The following MLPH variants were observed in gnomAD, a reference collection of about 807,000 sequenced individuals.
The protein encoded by MLPH is melanophilin, also known as exophilin-3.
In MLPH, 51 loss-of-function variants were observed where a neutral mutation model predicts 72.1. The observed-to-expected ratio is 0.71, with a 90% CI of 0.56 to 0.89. The LOEUF (loss-of-function observed/expected upper bound fraction) is 0.89, where lower values mean the gene tolerates loss of function less well. MLPH is among the 40% of genes least tolerant of loss of function. The probability of loss-of-function intolerance (pLI) is 0.00; values close to 1 mark genes in which losing one functional copy is unlikely to be tolerated. For synonymous variants in MLPH, 301 were observed against 310.1 expected, an observed-to-expected ratio of 0.97 and a Z score of 0.31; for missense variants, 743 against 759.9, an observed-to-expected ratio of 0.98 and a Z score of 0.26.
At chr2:237,549,086 C>A in intron 13 of MLPH, 135 bp from the exon 14 acceptor site, 1 of 758,026 alleles carries the variant, frequency 1.3e-6, no homozygotes, top group Non-Finnish European at 2.3e-6. Flanking sequence ...GCTAAAAGTT[C>A]AAATATTGCT....
At chr2:237,543,335 T>G (rs373045607) in intron 12 of MLPH, among the ~76,000 whole-genome samples, 1 of 1,320 alleles carries the variant, frequency 7.6e-4, no homozygotes, top group Non-Finnish European at 1.1e-3. Flanking sequence ...AGTGGTGAGT[T>G]GGGGGACAGT....
At chr2:237,508,001 C>T (rs906877168) in intron 2 of MLPH, among the ~76,000 whole-genome samples, 8 of 152,216 alleles carry the variant, frequency 5.3e-5, no homozygotes, top group African/African-American at 1.9e-4. Context: ...CCTCCAAGCT[C>T]ATCAGGCAGA....
Position 237,522,876 on chromosome 2 carries a change from G to T in MLPH, c.676-2725G>T, listed in dbSNP as rs192043122. On this transcript the variant is annotated intron_variant, in intron 6 of 15. Coordinates refer to ENST00000264605, the MANE Select transcript of MLPH (RefSeq NM_024101.7). The stretch of plus-strand genomic sequence containing the variant: ...AAAATAAAGCCAATATCACCGATGC[G>T]GTTGTACTGGACTGCTTGAGGGCTG... Among the ~76,000 whole-genome samples, 363 of 152,322 alleles carry T rather than the reference G, an allele frequency of 2.4e-3. 1 individual carries two copies. Among genetic ancestry groups the T allele is most frequent in the Non-Finnish European group, 4.0e-3 (271 of 68,028 alleles).
intron 8 of MLPH, among the ~76,000 whole-genome samples, chr2:237,527,883 G>A (rs748382225): frequency 7.2e-5 from 11 of 152,152 alleles, no homozygotes; most frequent in African/African-American, 1.4e-4. Context: ...TAACCCAAGC[G>A]TCCATTGACA....
intron 2 of MLPH, among the ~76,000 whole-genome samples, chr2:237,496,707 A>C (rs1339688283): frequency 6.6e-6 from 1 of 150,460 alleles, no homozygotes; most frequent in East Asian, 1.9e-4. Context: ...CCAGTCTGCT[A>C]TGTGATTAGG....
chr2:237,497,857 G>A (rs1376950730), intron 2 of MLPH, among the ~76,000 whole-genome samples: 13 of 152,278 alleles, frequency 8.5e-5, no homozygotes, highest in South Asian at 4.1e-4. Context: ...GTCTGCTCCC[G>A]GTCACCGAGT....
At chr2:237,551,155 C>A (rs560040958) in intron 14 of MLPH, among the ~76,000 whole-genome samples, 63 of 152,378 alleles carry the variant, frequency 4.1e-4, no homozygotes, top group African/African-American at 1.5e-3. Flanking sequence ...GGCCTCCAAT[C>A]CCGGGGTCTG....
chr2:237,516,834 T>TGGTA (rs1249553768), intron 4 of MLPH, among the ~76,000 whole-genome samples: 2,707 of 124,530 alleles, frequency 0.022, 15 homozygotes, highest in East Asian at 0.058. Flanking sequence ...GATGGTAGGA[T>TGGTA]GGATGGATGG....
chr2:237,489,963 C>T (rs1319254285), intron 1 of MLPH, among the ~76,000 whole-genome samples: 1 of 152,198 alleles, frequency 6.6e-6, no homozygotes, highest in Non-Finnish European at 1.5e-5. Context: ...GTCCCTCTGC[C>T]CCACTATGGC....
rs766131100 is a variant in MLPH at position 237,511,021 on chromosome 2, A to G, written c.365A>G (p.Tyr122Cys). Reference protein sequence around the residue: ...VVKIGSLEWYYEHVKARFKRF... With the variant: ...VVKIGSLEWYCEHVKARFKRF... ...AAGATCGGCTCACTGGAGTGGTACT[A>G]TGAGCATGTGAAAGCCCGCTTCAAG... Residue 122 changes from tyrosine (Y) to cysteine (C), a missense_variant, in exon 4 of 16, where the codon TAT becomes TGT. Coordinates refer to ENST00000264605, the MANE Select transcript of MLPH (RefSeq NM_024101.7). 3.1e-6 allele frequency: 5 copies of G among 1,613,872 alleles called. No homozygotes were observed. In the South Asian group the frequency reaches 4.4e-5, roughly 14 times the overall value.
chr2:237,527,275 T>A, intron 7 of MLPH, 102 bp from the exon 8 acceptor site: 1 of 1,436,828 alleles, frequency 7.0e-7, no homozygotes, highest in Non-Finnish European at 9.8e-7. Flanking sequence ...CATCCTTATG[T>A]CTTCATTTTC....
At chr2:237,506,293 T>C (rs1335071655) in intron 2 of MLPH, among the ~76,000 whole-genome samples, 1 of 152,230 alleles carries the variant, frequency 6.6e-6, no homozygotes, top group Non-Finnish European at 1.5e-5. Flanking sequence ...AAAATGAGAT[T>C]TTCCCAAAAT....
chr2:237,518,106 T>G, intron 4 of MLPH: 1 of 314,158 alleles, frequency 3.2e-6, no homozygotes, highest in Non-Finnish European at 6.2e-6. Flanking sequence ...GATGAGTGGG[T>G]GGATGAAGGA....
At chr2:237,534,851 C>G (rs1181197519) in intron 9 of MLPH, among the ~76,000 whole-genome samples, 7 of 152,206 alleles carry the variant, frequency 4.6e-5, no homozygotes, top group Non-Finnish European at 7.3e-5. Flanking sequence ...AGGCCTGCCA[C>G]CACCTCTCAT....
chr2:237,536,647 C>G (rs1287164980), intron 9 of MLPH, among the ~76,000 whole-genome samples: 1 of 152,240 alleles, frequency 6.6e-6, no homozygotes, highest in African/African-American at 2.4e-5. Context: ...ATCCAGCCCC[C>G]AGGCCCCTGC....
chr2:237,533,757 A>C (rs887493958), intron 8 of MLPH, among the ~76,000 whole-genome samples: 27 of 152,244 alleles, frequency 1.8e-4, no homozygotes, highest in African/African-American at 6.5e-4. Flanking sequence ...CTCAGTTACT[A>C]GTGGCCGCTC....
chr2:237,516,485 G>A (rs1343664282), intron 4 of MLPH, among the ~76,000 whole-genome samples: 1 of 152,194 alleles, frequency 6.6e-6, no homozygotes, highest in Non-Finnish European at 1.5e-5. Flanking sequence ...GAGCCTGCAG[G>A]TGAAACCATG....
intron 8 of MLPH, among the ~76,000 whole-genome samples, chr2:237,529,827 G>A (rs532165145): frequency 6.6e-5 from 10 of 152,350 alleles, no homozygotes; most frequent in Admixed American, 3.9e-4. Flanking sequence ...CTTGGGCATG[G>A]TGATGCCTGG....
In MLPH at chr2:237,534,570, G is replaced by A; in HGVS notation, c.1027G>A (p.Glu343Lys). The A allele has an allele frequency of 1.2e-6, 2 of 1,613,282 alleles. No homozygotes were observed. Among genetic ancestry groups the A allele is most frequent in the Non-Finnish European group, 1.7e-6 (2 of 1,179,478 alleles). ...GRASSESQIF[E>K]LNKHISAVEC... ...TTCTCTCCTTCTGCTGCAGATCTTT[G>A]AGCTGAATAAGCATATTTCAGCTGT... Residue 343 changes from glutamate (E) to lysine (K), a missense_variant, in exon 9 of 16, where the codon GAG becomes AAG. Transcript: ENST00000264605.
Sources: allele counts gnomAD v4.1 joint callset (sites outside exome capture counted in the v4.1 genomes callset), GRCh38; gene constraint gnomAD v4.1.1; transcripts MANE v1.5; gene names NCBI Gene and HGNC (gene_info 2026-07-23, HGNC 2026-07-21).